BRIP1: variants seen among roughly 807,000 people sequenced by gnomAD.
The protein encoded by BRIP1 is Fanconi anemia group J protein.
Under a neutral mutation model 119.7 loss-of-function variants are expected in BRIP1, and 88 were observed. The observed-to-expected ratio is 0.74, with a 90% confidence interval of 0.62 to 0.88. The LOEUF is 0.88. BRIP1 is among the 40% of genes least tolerant of loss of function. The probability of loss-of-function intolerance (pLI) is 0.00; values close to 1 mark genes in which losing one functional copy is unlikely to be tolerated. For missense variants in BRIP1, 1,259 were observed against 1,455.4 expected (o/e 0.87, Z 2.20); for synonymous variants, 443 against 496.5 (o/e 0.89, Z 1.43).
rs759118765 is a variant in BRIP1, at chr17:61,736,685, C to T, written c.2379+6328G>A. 3.3e-5 allele frequency among the ~76,000 whole-genome samples: 5 copies of T among 152,114 alleles called. No individual in the cohort carries two copies. Among genetic ancestry groups the T allele is most frequent in the Non-Finnish European group, 5.9e-5 (4 of 68,000 alleles). ...TAACAACTTCTACTAAAACCCCATT[C>T]AATCATTAACTAAAACATTTATTAA... On this transcript the variant is annotated intron_variant, in intron 16 of 19. Transcript: ENST00000259008. The surrounding 1 kb of genome is among the most constrained non-coding windows in gnomAD (Gnocchi z 4.4).
rs1567791618 is a variant in BRIP1 at position 61,756,728 on chromosome 17, C to T, written c.2098-12137G>A. On this transcript the variant is annotated intron_variant, in intron 14 of 19. Coordinates refer to ENST00000259008, the MANE Select transcript of BRIP1 (RefSeq NM_032043.3). The surrounding 1 kb of genome is among the most constrained non-coding windows in gnomAD (Gnocchi z 4.3). ...TAGCTTTTACACAGTTCCAGATGTT[C>T]AGTACATTAATAATACACTAACTCA... Among the ~76,000 whole-genome samples, 1 of 152,156 alleles carries T rather than the reference C, an allele frequency of 6.6e-6. No homozygotes were observed. Among genetic ancestry groups the T allele is most frequent in the Non-Finnish European group, 1.5e-5 (1 of 68,010 alleles).
chr17:61,784,389 T>G lies in BRIP1; in HGVS notation c.1509A>C (p.Lys503Asn), dbSNP rs1443429619. ...HFSAVLQKEE[K>N]ISPIYGKEEA... ...CCTCTTTACCATAAATTGGTGAGAT[T>G]TTTTCCTCTTTTTGAAGAACAGCAG... Residue 503 changes from lysine to asparagine, a missense_variant, in exon 11 of 20, where the codon AAA becomes AAC. Coordinates refer to ENST00000259008, the MANE Select transcript of BRIP1 (RefSeq NM_032043.3). 1.9e-6 allele frequency: 3 copies of G among 1,613,432 alleles called. No homozygotes were observed. Among genetic ancestry groups the G allele is most frequent in the Admixed American group, 1.7e-5 (1 of 60,014 alleles).
At chr17:61,747,784 G>A (rs1335940586) in intron 14 of BRIP1, among the ~76,000 whole-genome samples, 1 of 152,010 alleles carries the variant, frequency 6.6e-6, no homozygotes, top group African/African-American at 2.4e-5. Context: ...CACCCAGGCT[G>A]GAGTGTAGTA....
At position 61,814,408 on chromosome 17, in the gene BRIP1, T is replaced by C. The variant is rs977663927; in HGVS notation, c.628-5651A>G. 1.2e-4 allele frequency among the ~76,000 whole-genome samples: 19 copies of C among 152,036 alleles called. No individual in the cohort carries two copies. Among genetic ancestry groups the C allele is most frequent in the Admixed American group, 6.6e-4 (10 of 15,266 alleles). ...CATATAAAGAATTCCAATAAATCTA[T>C]TTTTAAAAGACAAACCCTACAGAAA... On this transcript the variant is annotated intron_variant, in intron 6 of 19. Coordinates refer to ENST00000259008, the MANE Select transcript of BRIP1 (RefSeq NM_032043.3). The surrounding 1 kb of genome is among the most constrained non-coding windows in gnomAD (Gnocchi z 4.9).
rs1415536113 is a variant in BRIP1 at position 61,843,228 on chromosome 17, G to C, written c.627+3873C>G. Among the ~76,000 whole-genome samples the C allele has an allele frequency of 1.3e-5, 2 of 152,156 alleles. No individual in the cohort carries two copies. The highest frequency in any genetic ancestry group is 1.3e-4 in the Admixed American group (2 of 15,270). On this transcript the variant is annotated intron_variant, in intron 6 of 19. Transcript: ENST00000259008. The surrounding 1 kb of genome is among the most constrained non-coding windows in gnomAD (Gnocchi z 5.7). ...GGCAGGGAGGTGGGGGATTTGAGGA[G>C]ATGTTGATCAAAGAGTAAAAAGTTG...
chr17:61,775,255 C>A lies in BRIP1; in HGVS notation c.2097+1146G>T, dbSNP rs1024408833. On this transcript the variant is annotated intron_variant, in intron 14 of 19. Transcript: ENST00000259008. The surrounding 1 kb of genome is among the most constrained non-coding windows in gnomAD (Gnocchi z 4.4). ...AAGAATTTTAAAAAATGTTTATGTC[C>A]GTTTTATTTTTAGATATTCTTGTAA... is the stretch of plus-strand genomic sequence containing the variant. 6.6e-6 allele frequency among the ~76,000 whole-genome samples: 1 copy of A among 151,928 alleles called. No individual in the cohort carries two copies. Among genetic ancestry groups the A allele is most frequent in the Non-Finnish European group, 1.5e-5 (1 of 67,962 alleles).
intron 17 of BRIP1, among the ~76,000 whole-genome samples, chr17:61,698,848 G>A (rs2061567238): frequency 6.6e-6 from 1 of 151,836 alleles, no homozygotes; most frequent in Non-Finnish European, 1.5e-5. Context: ...CTGAATAGCT[G>A]GGATTATAGG....
In BRIP1 at chr17:61,860,458, G is replaced by A. The variant is rs147302754; in HGVS notation, c.94-551C>T. On this transcript the variant is annotated intron_variant, in intron 2 of 19. Transcript: ENST00000259008. This position sits in a 1 kb window ranked among gnomAD's most constrained non-coding sequence, Gnocchi z 4.1. ...GTGGATCATTTGAGGTCAGGAGTTC[G>A]AGACCAGCCTGGCCAACACGGTGAA... Among the ~76,000 whole-genome samples the A allele has an allele frequency of 1.3e-5, 2 of 152,114 alleles. No individual in the cohort carries two copies. Among genetic ancestry groups the A allele is most frequent in the East Asian group, 1.9e-4 (1 of 5,156 alleles).
In BRIP1 at chr17:61,810,262, C is replaced by A. The variant is rs1448554275; in HGVS notation, c.628-1505G>T. ...ATAAAAAGAAGAGTTATGAATGGGG[C>A]TCTTGTCAACAGTGAGGCAGGAAAC... On this transcript the variant is annotated intron_variant, in intron 6 of 19. Coordinates refer to ENST00000259008, the MANE Select transcript of BRIP1 (RefSeq NM_032043.3). The surrounding 1 kb of genome is among the most constrained non-coding windows in gnomAD (Gnocchi z 4.7). Among the ~76,000 whole-genome samples the A allele has an allele frequency of 2.0e-5, 3 of 152,070 alleles. No individual in the cohort carries two copies. Among genetic ancestry groups the A allele is most frequent in the Admixed American group, 6.6e-5 (1 of 15,266 alleles).
At chr17:61,792,363 C>T (rs1343699525) in intron 10 of BRIP1, among the ~76,000 whole-genome samples, 1 of 152,114 alleles carries the variant, frequency 6.6e-6, no homozygotes, top group East Asian at 1.9e-4. Flanking sequence ...AAGCTTGTCA[C>T]TAATAGAAAT....
Position 61,862,611 on chromosome 17 carries a change from T to G in BRIP1, c.-31+673A>C, listed in dbSNP as rs2078986981. The stretch of plus-strand genomic sequence containing the variant: ...GTTTCTGTACATGATTGCATTTTTC[T>G]GAAGAAAAAGTCCATAGATTTCTCT... On this transcript the variant is annotated intron_variant, in intron 1 of 19. Transcript: ENST00000259008. This position sits in a 1 kb window ranked among gnomAD's most constrained non-coding sequence, Gnocchi z 5.3. Among the ~76,000 whole-genome samples the G allele has an allele frequency of 6.6e-6, 1 of 152,198 alleles. No homozygotes were observed. The highest frequency in any genetic ancestry group is 2.4e-5 in the African/African-American group (1 of 41,446).
chr17:61,756,050 CAG>C lies in BRIP1; in HGVS notation c.2098-11461_2098-11460del, dbSNP rs1666821060. On this transcript the variant is annotated intron_variant, in intron 14 of 19. Transcript: ENST00000259008. The surrounding 1 kb of genome is among the most constrained non-coding windows in gnomAD (Gnocchi z 4.3). ...TTAAAACCTTTTGTTAAGGATTACA[CAG>C]GGGCTACATGCAAATTTGGAGTACA... Among the ~76,000 whole-genome samples, 1 of 152,114 alleles carries C rather than the reference CAG, an allele frequency of 6.6e-6. No individual in the cohort carries two copies. The highest frequency in any genetic ancestry group is 2.1e-4 in the South Asian group (1 of 4,828).
rs1330314398 is a variant in BRIP1, at chr17:61,724,363, C to G, written c.2380-8300G>C. Among the ~76,000 whole-genome samples the G allele has an allele frequency of 6.6e-6, 1 of 152,046 alleles. No individual in the cohort carries two copies. Among genetic ancestry groups the G allele is most frequent in the East Asian group, 1.9e-4 (1 of 5,190 alleles). ...GTTTTATTGGAAACAGTATAAGTAG[C>G]AGAGCACTTATAGCAGCAATAGACA... On this transcript the variant is annotated intron_variant, in intron 16 of 19. Transcript: ENST00000259008. The surrounding 1 kb of genome is among the most constrained non-coding windows in gnomAD (Gnocchi z 5.1).
Position 61,815,145 on chromosome 17 carries a change from C to G in BRIP1, c.628-6388G>C, listed in dbSNP as rs572609744. ...AAAAAAAAAACCCACAGTAAATATA[C>G]TCTGTTCTGGTTTCTCCTCAGTTGT... On this transcript the variant is annotated intron_variant, in intron 6 of 19. Coordinates refer to ENST00000259008, the MANE Select transcript of BRIP1 (RefSeq NM_032043.3). The surrounding 1 kb of genome is among the most constrained non-coding windows in gnomAD (Gnocchi z 4.1). Among the ~76,000 whole-genome samples, 1 of 149,210 alleles carries G rather than the reference C, an allele frequency of 6.7e-6. No individual in the cohort carries two copies. The highest frequency in any genetic ancestry group is 2.1e-4 in the South Asian group (1 of 4,740).
In BRIP1 at chr17:61,753,155, T is replaced by C. The variant is rs2077154580; in HGVS notation, c.2098-8564A>G. Among the ~76,000 whole-genome samples the C allele has an allele frequency of 6.6e-6, 1 of 152,178 alleles. No homozygotes were observed. The highest frequency in any genetic ancestry group is 6.5e-5 in the Admixed American group (1 of 15,272). ...TCAGCCTCCTTGCCCTGTGATACTC[T>C]GAGCCACCCTGGGACTCAGCAGAGA... On this transcript the variant is annotated intron_variant, in intron 14 of 19. Coordinates refer to ENST00000259008, the MANE Select transcript of BRIP1 (RefSeq NM_032043.3). This position sits in a 1 kb window ranked among gnomAD's most constrained non-coding sequence, Gnocchi z 4.6.
chr17:61,731,389 C>T (rs2076841195), intron 16 of BRIP1, among the ~76,000 whole-genome samples: 1 of 152,154 alleles, frequency 6.6e-6, no homozygotes, highest in African/African-American at 2.4e-5. Flanking sequence ...AAGTCCACTC[C>T]ACTCTGACCT....
Position 61,748,548 on chromosome 17 carries a change from C to G in BRIP1, c.2098-3957G>C, listed in dbSNP as rs182676187. 1.3e-5 allele frequency among the ~76,000 whole-genome samples: 2 copies of G among 152,160 alleles called. No individual in the cohort carries two copies. The highest frequency in any genetic ancestry group is 4.8e-5 in the African/African-American group (2 of 41,438). On this transcript the variant is annotated intron_variant, in intron 14 of 19. Coordinates refer to ENST00000259008, the MANE Select transcript of BRIP1 (RefSeq NM_032043.3). The surrounding 1 kb of genome is among the most constrained non-coding windows in gnomAD (Gnocchi z 4.7). ...GAAAGAACAACAAAGCTAGAGGCAT[C>G]GTGCTTCATGACACTTACATCTTAC...
At chr17:61,787,099 TAATA>T (rs1213577665) in intron 10 of BRIP1, among the ~76,000 whole-genome samples, 7 of 113,804 alleles carry the variant, frequency 6.2e-5, no homozygotes, top group Non-Finnish European at 8.0e-5. Context: ...GTTTATGTAT[TAATA>T]AATATATTAA....
chr17:61,777,886 T>C (rs567334057), intron 13 of BRIP1, among the ~76,000 whole-genome samples: 6 of 152,196 alleles, frequency 3.9e-5, no homozygotes, highest in South Asian at 2.1e-4. Flanking sequence ...TCCCCAGAGG[T>C]TGAGGAATGG....
Sources: allele counts gnomAD v4.1 joint callset (sites outside exome capture counted in the v4.1 genomes callset), GRCh38; gene constraint gnomAD v4.1.1; non-coding constraint Gnocchi (gnomAD v3.1); transcripts MANE v1.5; gene names NCBI Gene and HGNC (gene_info 2026-07-23, HGNC 2026-07-21).